The following TLR6 variants were observed in gnomAD, a reference collection of about 807,000 sequenced individuals.
The protein encoded by TLR6 is toll like receptor 6.
A neutral mutation model predicts 16.1 loss-of-function variants in TLR6; 9 were observed. That is an observed-to-expected ratio of 0.56 (90% CI 0.34 to 0.98). The LOEUF (loss-of-function observed/expected upper bound fraction) is 0.98. Among genes scored for constraint, TLR6 ranks in the 50% least tolerant of loss-of-function variants. The pLI, the probability that TLR6 is intolerant of heterozygous loss-of-function variation, is 0.02. For missense variants in TLR6, 786 were observed against 921.0 expected (o/e 0.85, Z 1.90); for synonymous variants, 340 against 338.6 (o/e 1.00, Z -0.04).
chr4:38,841,322 G>A (rs577984966), intron 1 of TLR6, among the ~76,000 whole-genome samples: 2 of 152,324 alleles, frequency 1.3e-5, no homozygotes, highest in South Asian at 4.1e-4. Context: ...CGGGAGCAGA[G>A]GCTCATCTCT....
At chr4:38,864,833 A>G in the TLR6 span, among the ~76,000 whole-genome samples, 1 of 152,070 alleles carries the variant, frequency 6.6e-6, no homozygotes, top group Non-Finnish European at 1.5e-5. Context: ...GCAACACAGC[A>G]AGACCACGAC....
chr4:38,828,398 T>C (rs766847368), exon 2 of TLR6: 2 of 1,613,156 alleles, frequency 1.2e-6, no homozygotes, highest in Non-Finnish European at 8.5e-7. Flanking sequence ...CTGGGTAAAG[T>C]TCAAAAACTT....
At chr4:38,827,161 C>A (rs939674615) in exon 2 of TLR6, 1 of 1,614,008 alleles carries the variant, frequency 6.2e-7, no homozygotes, top group African/African-American at 1.3e-5. Flanking sequence ...CCCAAAAGAG[C>A]CCACGTTTGC....
intron 1 of TLR6, among the ~76,000 whole-genome samples, chr4:38,844,931 C>T (rs747357448): frequency 6.6e-5 from 10 of 152,050 alleles, no homozygotes; most frequent in Non-Finnish European, 1.3e-4. Context: ...TGGTGGTACA[C>T]ACCTGTATTC....
upstream of TLR6, among the ~76,000 whole-genome samples, chr4:38,860,931 C>G (rs566947942): frequency 6.6e-6 from 1 of 152,106 alleles, no homozygotes; most frequent in Non-Finnish European, 1.5e-5. Context: ...GCCGGGCATA[C>G]GTTTTATTTT....
the TLR6 span, chr4:38,867,699 C>T: frequency 6.6e-6 from 1 of 151,240 alleles, no homozygotes; most frequent in Non-Finnish European, 1.5e-5. Flanking sequence ...CCGCGGCGCT[C>T]CTCGTGGGGC....
chr4:38,852,529 T>G lies in TLR6; in HGVS notation c.-65+4232A>C, dbSNP rs1356870817. Among the ~76,000 whole-genome samples, 4 of 151,972 alleles carry G rather than the reference T, an allele frequency of 2.6e-5. No individual in the cohort carries two copies. The East Asian group carries it at 5.8e-4, about 22-fold the overall frequency. On this transcript the variant is annotated intron_variant, in intron 1 of 1. Transcript: ENST00000436693. ...AATCTACAATGAACTCAAACAAATT[T>G]ACAAGAAAAAAATAAACAACCCCAT...
intron 1 of TLR6, among the ~76,000 whole-genome samples, chr4:38,850,239 G>A (rs139380575): frequency 2.0e-3 from 308 of 152,270 alleles, no homozygotes; most frequent in African/African-American, 7.3e-3. Context: ...AGTGTGTAGA[G>A]GGAAATTTAT....
Position 38,851,596 on chromosome 4 carries a change from GACAA to G in TLR6, c.-65+5161_-65+5164del, listed in dbSNP as rs1225929314. ...CAAGCATTCTTATACATCAATAACA[GACAA>G]ACAGAGAGCCAAATCATGAGTGGAC... On this transcript the variant is annotated intron_variant, in intron 1 of 1. Coordinates refer to ENST00000436693, the Ensembl canonical transcript of TLR6. Among the ~76,000 whole-genome samples, 31 of 152,224 alleles carry G rather than the reference GACAA, an allele frequency of 2.0e-4. No homozygotes were observed. The East Asian group carries it at 5.8e-3, about 28-fold the overall frequency.
At chr4:38,864,100 T>A in the TLR6 span, among the ~76,000 whole-genome samples, 1 of 152,240 alleles carries the variant, frequency 6.6e-6, no homozygotes. Context: ...CCTTAAAGTC[T>A]ACATTGCAAT....
At chr4:38,843,949 T>C (rs1458151828) in intron 1 of TLR6, among the ~76,000 whole-genome samples, 1 of 152,256 alleles carries the variant, frequency 6.6e-6, no homozygotes, top group Non-Finnish European at 1.5e-5. Flanking sequence ...ATTTGTCCTC[T>C]CTCTGTCTCT....
chr4:38,834,257 T>TAAAATTA (rs138465422), intron 1 of TLR6, among the ~76,000 whole-genome samples: 20,793 of 132,506 alleles, frequency 0.16, 2,024 homozygotes, highest in Middle Eastern at 0.41. Flanking sequence ...AATATATATA[T>TAAAATTA]AAAATTAAAA....
intron 1 of TLR6, among the ~76,000 whole-genome samples, chr4:38,833,243 G>C (rs985956364): frequency 1.3e-5 from 2 of 152,192 alleles, no homozygotes; most frequent in African/African-American, 4.8e-5. Context: ...ATCTCCTGGA[G>C]GCTCAAGGAC....
chr4:38,861,674 G>A (rs555334934), upstream of TLR6, among the ~76,000 whole-genome samples: 15 of 152,234 alleles, frequency 9.9e-5, no homozygotes, highest in Non-Finnish European at 1.9e-4. Context: ...AGCCTCAAGA[G>A]AGCAGCCATC....
At chr4:38,832,934 C>T (rs558763871) in intron 1 of TLR6, among the ~76,000 whole-genome samples, 14 of 151,844 alleles carry the variant, frequency 9.2e-5, no homozygotes, top group East Asian at 1.9e-4. Flanking sequence ...AGCAGGACTA[C>T]GACACATCTA....
At chr4:38,838,473 A>G (rs898955956) in intron 1 of TLR6, among the ~76,000 whole-genome samples, 2 of 152,244 alleles carry the variant, frequency 1.3e-5, no homozygotes, top group African/African-American at 4.8e-5. Context: ...AGGTCATTAC[A>G]TTAGCAAAAT....
exon 2 of TLR6, chr4:38,825,205 A>C (rs767002414): frequency 6.6e-6 from 1 of 152,230 alleles, no homozygotes; most frequent in Non-Finnish European, 1.5e-5. Flanking sequence ...ATCACTCCTG[A>C]ATCTTGGGCA....
upstream of TLR6, among the ~76,000 whole-genome samples, chr4:38,861,259 A>C (rs1473119857): frequency 6.6e-6 from 1 of 152,098 alleles, no homozygotes; most frequent in African/African-American, 2.4e-5. Context: ...CCATAGCTAC[A>C]TAGAGACTCT....
At chr4:38,847,471 C>T (rs7654251) in intron 1 of TLR6, among the ~76,000 whole-genome samples, 4,735 of 151,960 alleles carry the variant, frequency 0.031, 216 homozygotes, top group African/African-American at 0.087. Context: ...GAGTGTGAGC[C>T]GAAGCACGGT....
Sources: allele counts gnomAD v4.1 joint callset (sites outside exome capture counted in the v4.1 genomes callset), GRCh38; gene constraint gnomAD v4.1.1; transcripts MANE v1.5; gene names NCBI Gene and HGNC (gene_info 2026-07-23, HGNC 2026-07-21).